ABCA13: variants seen among roughly 807,000 people sequenced by gnomAD.
ABCA13 encodes ATP-binding cassette sub-family A member 13.
In ABCA13, 476 loss-of-function variants were observed where a neutral mutation model predicts 478.7. The ratio of observed to expected loss-of-function variants is 0.99; its 90% CI spans 0.92 to 1.07. ABCA13 has a LOEUF of 1.07. Among genes scored for constraint, ABCA13 ranks in the 50% least tolerant of loss-of-function variants. The probability of loss-of-function intolerance (pLI) is 0.00; values close to 1 mark genes in which losing one functional copy is unlikely to be tolerated. For missense variants in ABCA13, 6,060 were observed against 5,910.6 expected (o/e 1.03, Z -0.83); for synonymous variants, 2,252 against 2,158.9 (o/e 1.04, Z -1.20).
chr7:48,306,932 CA>C (rs1190595898), intron 23 of ABCA13, among the ~76,000 whole-genome samples: 1 of 152,248 alleles, frequency 6.6e-6, no homozygotes, highest in East Asian at 1.9e-4. Flanking sequence ...CAGCCTTATC[CA>C]ATCAGTTGAA....
chr7:48,391,276 C>T (rs897206458), intron 37 of ABCA13, among the ~76,000 whole-genome samples: 8 of 152,156 alleles, frequency 5.3e-5, no homozygotes, highest in African/African-American at 1.7e-4. Context: ...CATGTTTCCT[C>T]ATCTGTAAAA....
intron 54 of ABCA13, among the ~76,000 whole-genome samples, chr7:48,527,051 G>T (rs1832933416): frequency 6.6e-6 from 1 of 152,162 alleles, no homozygotes; most frequent in South Asian, 2.1e-4. Context: ...AATGCTGTCA[G>T]TCCAGAGAGG....
chr7:48,267,407 A>G (rs916828816), intron 15 of ABCA13, among the ~76,000 whole-genome samples: 3 of 152,134 alleles, frequency 2.0e-5, no homozygotes, highest in Non-Finnish European at 4.4e-5. Context: ...TCATGAAATG[A>G]TAATTATGTT....
At chr7:48,482,022 A>G (rs986530166) in intron 46 of ABCA13, among the ~76,000 whole-genome samples, 1 of 152,194 alleles carries the variant, frequency 6.6e-6, no homozygotes, top group African/African-American at 2.4e-5. Flanking sequence ...GACAAAATTT[A>G]TTTAGATAAT....
At chr7:48,569,879 T>G (rs1787439530) in intron 55 of ABCA13, among the ~76,000 whole-genome samples, 1 of 152,220 alleles carries the variant, frequency 6.6e-6, no homozygotes, top group African/African-American at 2.4e-5. Flanking sequence ...ACTTGTTCTA[T>G]TCTGGAGAAT....
intron 21 of ABCA13, 45 bp from the exon 22 acceptor site, chr7:48,297,187 A>G (rs1335748626): frequency 1.4e-6 from 2 of 1,461,490 alleles, no homozygotes; most frequent in African/African-American, 1.4e-5. Flanking sequence ...ACTGTTTCTG[A>G]TGTTTTAGCT....
rs536780256 is a variant in ABCA13, at chr7:48,606,373, T to C, written c.14745-8912T>C. ...GGATTTATCTACCTTTGGTCTTTGA[T>C]GTTGGTGGCCTTCAGATGTGGTCTC... is the stretch of plus-strand genomic sequence containing the variant. On this transcript the variant is annotated intron_variant, in intron 58 of 61. Coordinates refer to ENST00000435803, the MANE Select transcript of ABCA13 (RefSeq NM_152701.5). Among the ~76,000 whole-genome samples the C allele has an allele frequency of 2.1e-3, 325 of 152,300 alleles. 2 individuals are homozygous for C. Among genetic ancestry groups the C allele is most frequent in the African/African-American group, 7.4e-3 (309 of 41,574 alleles).
Position 48,278,540 on chromosome 7 carries a change from T to C in ABCA13, c.7346T>C (p.Ile2449Thr), listed in dbSNP as rs1425633915. The change falls in exon 18 of 62, where the codon ATA becomes ACA. Residue 2449 changes from isoleucine to threonine, a missense_variant. By Grantham distance (89) the Ile-to-Thr change is moderately conservative. Coordinates refer to ENST00000435803, the MANE Select transcript of ABCA13 (RefSeq NM_152701.5). Reference protein sequence around the residue: ...YALYPTLQEVILANLTDLLFF... With the variant: ...YALYPTLQEVTLANLTDLLFF... Reference sequence around the variant, plus strand: ...TTGTATCCTACCCTCCAAGAAGTTATACTTGCTAATCTAACGGATTTGCTT... The same window carrying C: ...TTGTATCCTACCCTCCAAGAAGTTACACTTGCTAATCTAACGGATTTGCTT... The C allele has an allele frequency of 1.2e-6, 2 of 1,613,972 alleles. No homozygotes were observed. The highest frequency in any genetic ancestry group is 1.7e-5 in the Admixed American group (1 of 60,032).
chr7:48,297,406 T>C lies in ABCA13; in HGVS notation c.9199+95T>C, dbSNP rs1319280937. The C allele has an allele frequency of 1.6e-5, 19 of 1,197,942 alleles. No individual in the cohort carries two copies. The East Asian group carries it at 4.9e-4, about 31-fold the overall frequency. The allele number at this position is 1,197,942 out of a possible 1,614,324, so 74.2% of individuals were successfully genotyped here. On this transcript the variant is annotated intron_variant, in intron 22 of 61. Transcript: ENST00000435803. ...AAAATAAAACATACAACAGAAAATT[T>C]ATGCTATATGTGATACATAATCATT...
chr7:48,340,929 T>C (rs1389023691), intron 29 of ABCA13, among the ~76,000 whole-genome samples: 2 of 152,234 alleles, frequency 1.3e-5, no homozygotes, highest in African/African-American at 4.8e-5. Context: ...GGTCCTTATA[T>C]TTCTAACTGA....
At chr7:48,363,834 T>C (rs1298763243) in intron 31 of ABCA13, among the ~76,000 whole-genome samples, 3 of 152,184 alleles carry the variant, frequency 2.0e-5, no homozygotes, top group Non-Finnish European at 4.4e-5. Context: ...TTCTAATGAT[T>C]GTGCTGTGTG....
intron 55 of ABCA13, among the ~76,000 whole-genome samples, chr7:48,558,080 G>A (rs1410023358): frequency 6.7e-6 from 1 of 150,340 alleles, no homozygotes; most frequent in Non-Finnish European, 1.5e-5. Flanking sequence ...CAATTATACT[G>A]TTAAGAGGCT....
At chr7:48,469,620 G>A (rs2130254056) in intron 44 of ABCA13, among the ~76,000 whole-genome samples, 1 of 151,618 alleles carries the variant, frequency 6.6e-6, no homozygotes, top group Non-Finnish European at 1.5e-5. Context: ...TCTCAAGACA[G>A]GAGGTCCTTA....
chr7:48,404,024 T>G, intron 39 of ABCA13, 145 bp downstream of exon 39: 1 of 959,360 alleles, frequency 1.0e-6, no homozygotes, highest in Non-Finnish European at 1.6e-6. Flanking sequence ...AAAGCACTTA[T>G]AGGGATATAT....
chr7:48,306,470 T>C (rs1331550700), intron 23 of ABCA13, among the ~76,000 whole-genome samples: 1 of 152,184 alleles, frequency 6.6e-6, no homozygotes, highest in Non-Finnish European at 1.5e-5. Context: ...TTTTGAGGGA[T>C]AGTTTCATGC....
At chr7:48,334,826 A>G (rs1028507603) in intron 27 of ABCA13, among the ~76,000 whole-genome samples, 1 of 152,212 alleles carries the variant, frequency 6.6e-6, no homozygotes, top group African/African-American at 2.4e-5. Context: ...ATTAAATGTA[A>G]TAATATTGCA....
intron 42 of ABCA13, among the ~76,000 whole-genome samples, chr7:48,454,161 C>A (rs1391229907): frequency 6.6e-6 from 1 of 152,140 alleles, no homozygotes; most frequent in African/African-American, 2.4e-5. Flanking sequence ...TAGAGTCAAT[C>A]ACTGGGAAAA....
At chr7:48,469,213 G>T (rs979332303) in intron 44 of ABCA13, among the ~76,000 whole-genome samples, 1 of 152,178 alleles carries the variant, frequency 6.6e-6, no homozygotes, top group Admixed American at 6.5e-5. Flanking sequence ...TTATTAGATA[G>T]CAGTGATACA....
At chr7:48,368,687 GTATATA>G (rs201820250) in intron 32 of ABCA13, among the ~76,000 whole-genome samples, 2,680 of 122,720 alleles carry the variant, frequency 0.022, 35 homozygotes, top group Non-Finnish European at 0.029. Flanking sequence ...GTGTGTATGT[GTATATA>G]TATATATATA....
Sources: gnomAD v4.1 joint callset for allele counts (sites outside exome capture counted in the v4.1 genomes callset) on GRCh38, gnomAD v4.1.1 for gene constraint, MANE v1.5 for transcripts, NCBI Gene and HGNC (gene_info 2026-07-23, HGNC 2026-07-21) for gene names.